The following EPB41L2 variants were observed in gnomAD, a reference collection of about 807,000 sequenced individuals.
EPB41L2 encodes erythrocyte membrane protein band 4.1 like 2.
Under a neutral mutation model 113.0 loss-of-function variants are expected in EPB41L2, and 43 were observed. The ratio of observed to expected loss-of-function variants is 0.38; its 90% CI spans 0.30 to 0.49. The LOEUF is 0.49. Ranked by LOEUF, EPB41L2 falls within the 20% of genes least tolerant of loss-of-function variation. The pLI, the probability that EPB41L2 is intolerant of heterozygous loss-of-function variation, is 0.95. For missense variants in EPB41L2, 1,147 were observed against 1,223.4 expected (o/e 0.94, Z 0.93); for synonymous variants, 442 against 436.7 (o/e 1.01, Z -0.15).
chr6:131,041,882 T>C (rs1794519970), intron 1 of EPB41L2, among the ~76,000 whole-genome samples: 1 of 152,206 alleles, frequency 6.6e-6, no homozygotes, highest in Admixed American at 6.5e-5. Flanking sequence ...ACTGGATAAA[T>C]ATGAACACAC....
intron 18 of EPB41L2, among the ~76,000 whole-genome samples, chr6:130,861,652 A>C (rs1225117805): frequency 6.6e-6 from 1 of 152,002 alleles, no homozygotes; most frequent in East Asian, 1.9e-4. Flanking sequence ...AGTGTGGATA[A>C]CCTGAGGTCA....
rs1461197593 is a variant in EPB41L2, at chr6:130,853,701, C to G, written c.*5+4430G>C. Reference sequence around the variant, plus strand: ...ATCTTTCTGTTTGCTCTCCCCTCCCCCTACTTTCAACACTTGATCAAAAGC... The same window carrying G: ...ATCTTTCTGTTTGCTCTCCCCTCCCGCTACTTTCAACACTTGATCAAAAGC... On this transcript the variant is annotated intron_variant, in intron 19 of 19. Transcript: ENST00000337057. Among the ~76,000 whole-genome samples, 3 of 152,140 alleles carry G rather than the reference C, an allele frequency of 2.0e-5. No homozygotes were observed. The East Asian group carries it at 5.8e-4, about 29-fold the overall frequency.
chr6:131,018,732 G>A (rs1788793691), intron 1 of EPB41L2, among the ~76,000 whole-genome samples: 1 of 152,076 alleles, frequency 6.6e-6, no homozygotes, highest in Non-Finnish European at 1.5e-5. Flanking sequence ...ATGAAGTAGG[G>A]AATGAATTTT....
chr6:130,939,257 CTT>C (rs879441496), intron 3 of EPB41L2, among the ~76,000 whole-genome samples: 3 of 145,782 alleles, frequency 2.1e-5, no homozygotes, highest in African/African-American at 2.5e-5. Flanking sequence ...ACCCAAATAA[CTT>C]TTTTTTTTTT....
rs186091089 is a variant in EPB41L2 at position 130,910,464 on chromosome 6, T to C, written c.811-1601A>G. Among the ~76,000 whole-genome samples, 11 of 152,336 alleles carry C rather than the reference T, an allele frequency of 7.2e-5. No homozygotes were observed. The East Asian group carries it at 2.1e-3, about 29-fold the overall frequency. On this transcript the variant is annotated intron_variant, in intron 4 of 19. Coordinates refer to ENST00000337057, the MANE Select transcript of EPB41L2 (RefSeq NM_001431.4). Reference sequence around the variant, plus strand: ...GGCAATACCATTCAGGACATAGGCATGGGCAAAGCCTTCATTTCTAAAACA... The same window carrying C: ...GGCAATACCATTCAGGACATAGGCACGGGCAAAGCCTTCATTTCTAAAACA...
intron 6 of EPB41L2, among the ~76,000 whole-genome samples, chr6:130,901,788 G>T (rs1339989135): frequency 6.6e-6 from 1 of 152,064 alleles, no homozygotes; most frequent in African/African-American, 2.4e-5. Flanking sequence ...CTTGCCTAAG[G>T]GTAATTTCCC....
rs143570483 is a variant in EPB41L2 at position 130,982,032 on chromosome 6, A to C, written c.-14-25533T>G. 2.7e-4 allele frequency among the ~76,000 whole-genome samples: 41 copies of C among 152,154 alleles called. No homozygotes were observed. In the East Asian group the frequency reaches 7.7e-3, roughly 29 times the overall value. ...AAAAGTTTTGATGATTAGCATTCAT[A>C]TTCAGAACACTGATTTATTTTGAGC... On this transcript the variant is annotated intron_variant, in intron 1 of 19. Transcript: ENST00000337057.
intron 1 of EPB41L2, among the ~76,000 whole-genome samples, chr6:131,061,191 G>T (rs567997529): frequency 1.3e-5 from 2 of 152,196 alleles, no homozygotes; most frequent in South Asian, 4.2e-4. Context: ...GTCCCTTCCC[G>T]TTACTCTAAA....
chr6:130,939,489 G>T (rs1488025095), intron 3 of EPB41L2, among the ~76,000 whole-genome samples: 1 of 151,986 alleles, frequency 6.6e-6, no homozygotes, highest in Non-Finnish European at 1.5e-5. Flanking sequence ...TCCTGACCTC[G>T]TGATCCGCCC....
intron 1 of EPB41L2, among the ~76,000 whole-genome samples, chr6:131,033,566 G>A (rs954956336): frequency 6.6e-6 from 1 of 152,176 alleles, no homozygotes. Context: ...GAATGGATAA[G>A]TAAGACATAT....
chr6:131,057,119 G>A (rs948194978), intron 1 of EPB41L2, among the ~76,000 whole-genome samples: 2 of 151,976 alleles, frequency 1.3e-5, no homozygotes, highest in Non-Finnish European at 2.9e-5. Flanking sequence ...TTCTAATCTC[G>A]AAAATAAGAA....
At chr6:131,042,546 A>C (rs1584734424) in intron 1 of EPB41L2, among the ~76,000 whole-genome samples, 1 of 152,212 alleles carries the variant, frequency 6.6e-6, no homozygotes, top group African/African-American at 2.4e-5. Flanking sequence ...AAATGATTAC[A>C]AAATCCTTCA....
At position 130,863,625 on chromosome 6, in the gene EPB41L2, T is replaced by A; in HGVS notation, c.2910+13A>T. 1 of 1,586,568 alleles carries A rather than the reference T, an allele frequency of 6.3e-7. No homozygotes were observed. Among genetic ancestry groups the A allele is most frequent in the South Asian group, 1.1e-5 (1 of 89,794 alleles). On this transcript the variant is annotated intron_variant, in intron 18 of 19. Coordinates refer to ENST00000337057, the MANE Select transcript of EPB41L2 (RefSeq NM_001431.4). ...ACAGGGCCATTTCCAAAACTAGAACTTAACTTATTTACCTGGTCATGATCA... is the reference window on the plus strand; with the variant it reads ...ACAGGGCCATTTCCAAAACTAGAACATAACTTATTTACCTGGTCATGATCA...
At chr6:131,024,322 G>A (rs1424866538) in intron 1 of EPB41L2, among the ~76,000 whole-genome samples, 1 of 152,144 alleles carries the variant, frequency 6.6e-6, no homozygotes, top group African/African-American at 2.4e-5. Flanking sequence ...TCGTGTGTTG[G>A]GTTTATGGTT....
chr6:130,966,951 T>A (rs758954065), intron 1 of EPB41L2, among the ~76,000 whole-genome samples: 2 of 152,182 alleles, frequency 1.3e-5, no homozygotes, highest in African/African-American at 4.8e-5. Context: ...TCTGCCAGCC[T>A]TCACTTCAGT....
intron 1 of EPB41L2, among the ~76,000 whole-genome samples, chr6:131,001,356 C>T (rs1005318809): frequency 1.2e-4 from 19 of 152,120 alleles, no homozygotes; most frequent in African/African-American, 4.3e-4. Flanking sequence ...CGCGAACAAG[C>T]ATGTGCAGGC....
chr6:131,060,908 T>C (rs1216922355), intron 1 of EPB41L2, among the ~76,000 whole-genome samples: 2 of 152,222 alleles, frequency 1.3e-5, no homozygotes, highest in African/African-American at 4.8e-5. Flanking sequence ...AAATGCTCCC[T>C]GGCAGTTTAC....
intron 1 of EPB41L2, among the ~76,000 whole-genome samples, chr6:131,029,897 T>C (rs917226026): frequency 2.6e-5 from 4 of 151,786 alleles, no homozygotes; most frequent in Non-Finnish European, 5.9e-5. Flanking sequence ...ATTTTTCTCT[T>C]TTTTTCTTTT....
At chr6:131,031,555 C>T (rs909830596) in intron 1 of EPB41L2, among the ~76,000 whole-genome samples, 4 of 152,110 alleles carry the variant, frequency 2.6e-5, no homozygotes, top group African/African-American at 7.2e-5. Context: ...TGTGACAGTT[C>T]AAAACTTCCT....
Sources: allele counts gnomAD v4.1 joint callset (sites outside exome capture counted in the v4.1 genomes callset), GRCh38; gene constraint gnomAD v4.1.1; transcripts MANE v1.5; gene names NCBI Gene and HGNC (gene_info 2026-07-23, HGNC 2026-07-21).